RYR2: variants seen among roughly 807,000 people sequenced by gnomAD.
The protein encoded by RYR2 is ryanodine receptor 2.
In RYR2, 227 loss-of-function variants were observed where a neutral mutation model predicts 601.1. The ratio of observed to expected loss-of-function variants is 0.38; its 90% CI spans 0.34 to 0.42. RYR2 has a LOEUF of 0.42. RYR2 is among the 10% of genes least tolerant of loss of function. The probability of loss-of-function intolerance (pLI) is 1.00; values close to 1 mark genes in which losing one functional copy is unlikely to be tolerated. For synonymous variants in RYR2, 2,223 were observed against 2,175.1 expected, an observed-to-expected ratio of 1.02 and a Z score of -0.61; for missense variants, 4,646 against 6,156.5, an observed-to-expected ratio of 0.75 and a Z score of 8.21.
At chr1:237,254,510 T>C (rs1271981450) in intron 1 of RYR2, among the ~76,000 whole-genome samples, 1 of 152,172 alleles carries the variant, frequency 6.6e-6, no homozygotes, top group Non-Finnish European at 1.5e-5. Context: ...TACACAGTGG[T>C]TTTCTTTTCA....
At chr1:237,207,629 C>A (rs1681968093) in intron 1 of RYR2, among the ~76,000 whole-genome samples, 1 of 152,160 alleles carries the variant, frequency 6.6e-6, no homozygotes, top group Admixed American at 6.5e-5. Flanking sequence ...TCACCGGATG[C>A]CGGCTCCTTG....
chr1:237,111,248 G>T (rs1245393214), intron 1 of RYR2, among the ~76,000 whole-genome samples: 2 of 152,166 alleles, frequency 1.3e-5, no homozygotes, highest in Non-Finnish European at 2.9e-5. Flanking sequence ...GTTACATTTT[G>T]CTCTTCTTTC....
intron 29 of RYR2, 104 bp downstream of exon 29, chr1:237,569,423 A>T: frequency 1.9e-6 from 2 of 1,065,922 alleles, no homozygotes; most frequent in South Asian, 1.5e-5. Flanking sequence ...GAGTGAGCAG[A>T]TGAGTTGCAG....
chr1:237,546,060 A>G (rs1433735080), intron 25 of RYR2, among the ~76,000 whole-genome samples: 1 of 151,766 alleles, frequency 6.6e-6, no homozygotes, highest in Non-Finnish European at 1.5e-5. Flanking sequence ...TTCAGCTGTG[A>G]TTACAGTTTA....
chr1:237,731,675 C>T (rs1186548632), intron 77 of RYR2, among the ~76,000 whole-genome samples: 1 of 151,992 alleles, frequency 6.6e-6, no homozygotes, highest in Non-Finnish European at 1.5e-5. Flanking sequence ...TATCCCTGCT[C>T]ATATTAATTT....
At chr1:237,591,275 AC>A (rs888014211) in intron 31 of RYR2, among the ~76,000 whole-genome samples, 4 of 150,370 alleles carry the variant, frequency 2.7e-5, no homozygotes, top group African/African-American at 9.8e-5. Context: ...AAATTAAGCA[AC>A]CTGTTAGTCA....
intron 16 of RYR2, among the ~76,000 whole-genome samples, chr1:237,468,152 C>G (rs550820106): frequency 7.2e-5 from 11 of 152,284 alleles, no homozygotes; most frequent in Non-Finnish European, 1.5e-4. Flanking sequence ...GCCACCACCC[C>G]TGGCCTACCA....
chr1:237,505,224 A>G (rs1200473068), intron 22 of RYR2, among the ~76,000 whole-genome samples: 7 of 152,204 alleles, frequency 4.6e-5, no homozygotes, highest in African/African-American at 1.7e-4. Flanking sequence ...GTCACCCAAC[A>G]AATGTTAGCT....
At chr1:237,344,541 C>T (rs1038301616) in intron 3 of RYR2, among the ~76,000 whole-genome samples, 7 of 152,212 alleles carry the variant, frequency 4.6e-5, no homozygotes, top group African/African-American at 1.7e-4. Context: ...AGTTTACCAC[C>T]CCTCGCTTCT....
chr1:237,457,657 C>T (rs1451903677), intron 16 of RYR2, among the ~76,000 whole-genome samples: 1 of 152,180 alleles, frequency 6.6e-6, no homozygotes, highest in African/African-American at 2.4e-5. Context: ...TTACACTGGA[C>T]AGAAAGCCTG....
intron 1 of RYR2, among the ~76,000 whole-genome samples, chr1:237,099,305 A>G (rs377230764): frequency 5.2e-4 from 79 of 152,218 alleles, no homozygotes; most frequent in African/African-American, 1.9e-3. Flanking sequence ...TGGCGTGATC[A>G]TGGCTCACTG....
intron 1 of RYR2, among the ~76,000 whole-genome samples, chr1:237,236,840 TG>T (rs1685595746): frequency 6.6e-6 from 1 of 152,162 alleles, no homozygotes; most frequent in Non-Finnish European, 1.5e-5. Context: ...TCCTAAAAGG[TG>T]GGAGGGAAAT....
At chr1:237,601,956 A>G (rs527240719) in intron 34 of RYR2, 69 bp from the exon 35 acceptor site, 3 of 1,344,240 alleles carry the variant, frequency 2.2e-6, no homozygotes, top group South Asian at 2.6e-5. Flanking sequence ...CTTTGTTGTT[A>G]TAAAGAAAAA....
intron 1 of RYR2, among the ~76,000 whole-genome samples, chr1:237,249,016 C>T (rs1203490398): frequency 1.3e-5 from 2 of 152,098 alleles, no homozygotes; most frequent in African/African-American, 4.8e-5. Flanking sequence ...TCACCTGCCT[C>T]GGCCTCCCAA....
chr1:237,311,234 A>T (rs1694528628), intron 2 of RYR2, among the ~76,000 whole-genome samples: 1 of 152,182 alleles, frequency 6.6e-6, no homozygotes, highest in South Asian at 2.1e-4. Context: ...AAAAGCTGAT[A>T]TTTCTCCATT....
At chr1:237,491,754 G>T (rs573238710) in intron 17 of RYR2, 52 bp from the exon 18 acceptor site, 2 of 838,668 alleles carry the variant, frequency 2.4e-6, no homozygotes, top group South Asian at 3.0e-5. Flanking sequence ...ACTGGTCATT[G>T]TACACCAATT....
intron 1 of RYR2, among the ~76,000 whole-genome samples, chr1:237,061,359 C>T (rs1216328795): frequency 6.6e-6 from 1 of 151,666 alleles, no homozygotes; most frequent in Non-Finnish European, 1.5e-5. Context: ...ATTCTGTTGC[C>T]CAGGCTGGAG....
intron 10 of RYR2, among the ~76,000 whole-genome samples, chr1:237,407,004 TC>T (rs1479641748): frequency 6.6e-6 from 1 of 152,124 alleles, no homozygotes; most frequent in East Asian, 1.9e-4. Context: ...CCTTCTTCCC[TC>T]CCCTGAACTC....
At chr1:237,607,897 G>A (rs564617149) in intron 35 of RYR2, among the ~76,000 whole-genome samples, 35 of 152,278 alleles carry the variant, frequency 2.3e-4, no homozygotes, top group African/African-American at 7.9e-4. Context: ...GGGGTTCACA[G>A]TATCCGTTTT....
Sources: gnomAD v4.1 joint callset for allele counts (sites outside exome capture counted in the v4.1 genomes callset) on GRCh38, gnomAD v4.1.1 for gene constraint, MANE v1.5 for transcripts, NCBI Gene and HGNC (gene_info 2026-07-23, HGNC 2026-07-21) for gene names.